The following RBFOX1 variants were observed in gnomAD, a reference collection of about 807,000 sequenced individuals.
RBFOX1 encodes the protein RNA binding protein fox-1 homolog 1.
RBFOX1 carries 8 observed loss-of-function variants against 57.7 expected under a neutral mutation model. The ratio of observed to expected loss-of-function variants is 0.14; its 90% confidence interval spans 0.08 to 0.25. The LOEUF is 0.25. Ranked by LOEUF, RBFOX1 falls within the 10% of genes least tolerant of loss-of-function variation. The pLI, the probability that RBFOX1 is intolerant of heterozygous loss-of-function variation, is 1.00. For synonymous variants in RBFOX1, 326 were observed against 222.4 expected (o/e 1.47, Z -4.15); for missense variants, 611 against 548.5 (o/e 1.11, Z -1.14).
chr16:5,365,419 G>C (rs1295237704), intron 1 of RBFOX1, among the ~76,000 whole-genome samples: 1 of 152,230 alleles, frequency 6.6e-6, no homozygotes, highest in Admixed American at 6.5e-5. Context: ...TGTAATCCCA[G>C]CACTTTGGGA....
chr16:7,302,826 T>C (rs1185130813), intron 4 of RBFOX1, among the ~76,000 whole-genome samples: 1 of 151,630 alleles, frequency 6.6e-6, no homozygotes, highest in African/African-American at 2.4e-5. Flanking sequence ...TCCTATTTTA[T>C]TGCATAAAGA....
intron 3 of RBFOX1, among the ~76,000 whole-genome samples, chr16:5,790,294 T>C (rs578065494): frequency 6.6e-6 from 1 of 152,152 alleles, no homozygotes; most frequent in East Asian, 1.9e-4. Context: ...CCAGGAAGAA[T>C]ACAAGAATGA....
At chr16:6,534,373 G>C (rs994178880) in intron 2 of RBFOX1, among the ~76,000 whole-genome samples, 2 of 152,070 alleles carry the variant, frequency 1.3e-5, no homozygotes, top group Non-Finnish European at 2.9e-5. Flanking sequence ...TGACGAACAG[G>C]AGAAATTGGC....
chr16:7,530,573 C>G (rs1180515943), intron 5 of RBFOX1, among the ~76,000 whole-genome samples: 1 of 151,856 alleles, frequency 6.6e-6, no homozygotes, highest in Non-Finnish European at 1.5e-5. Context: ...ATCAATGGGT[C>G]TGTGTGAATT....
intron 3 of RBFOX1, among the ~76,000 whole-genome samples, chr16:5,696,454 G>A (rs2050844852): frequency 1.3e-5 from 2 of 152,042 alleles, no homozygotes; most frequent in African/African-American, 4.8e-5. Context: ...ACTTATTCAA[G>A]GCTGTAAGAA....
At chr16:6,359,828 T>TA (rs955761196) in intron 2 of RBFOX1, among the ~76,000 whole-genome samples, 1 of 151,996 alleles carries the variant, frequency 6.6e-6, no homozygotes, top group Admixed American at 6.6e-5. Flanking sequence ...TTGGTGATAT[T>TA]AAAAAAAATG....
At chr16:6,422,640 A>G (rs1235448773) in intron 2 of RBFOX1, among the ~76,000 whole-genome samples, 4 of 152,180 alleles carry the variant, frequency 2.6e-5, no homozygotes, top group African/African-American at 4.8e-5. Context: ...GGTGACTCAC[A>G]TGGCAGGAGC....
At chr16:7,476,482 A>T (rs961244217) in intron 4 of RBFOX1, among the ~76,000 whole-genome samples, 13 of 152,202 alleles carry the variant, frequency 8.5e-5, no homozygotes, top group African/African-American at 3.1e-4. Flanking sequence ...AAACATCCCA[A>T]TTATTAGATG....
intron 4 of RBFOX1, among the ~76,000 whole-genome samples, chr16:7,516,720 A>T (rs1260853202): frequency 1.3e-5 from 2 of 152,244 alleles, no homozygotes; most frequent in African/African-American, 4.8e-5. Context: ...ATTTACTTGT[A>T]AAATGTTTAA....
chr16:6,983,431 G>C (rs1374045879), intron 3 of RBFOX1, among the ~76,000 whole-genome samples: 1 of 150,540 alleles, frequency 6.6e-6, no homozygotes, highest in Non-Finnish European at 1.5e-5. Context: ...GCTGCTTCTG[G>C]TCCGCCGACT....
At chr16:6,623,085 G>A (rs191088262) in intron 2 of RBFOX1, among the ~76,000 whole-genome samples, 3 of 152,334 alleles carry the variant, frequency 2.0e-5, no homozygotes, top group Admixed American at 1.3e-4. Flanking sequence ...ATTACCTGCT[G>A]TGTCCCTTGA....
Position 7,630,670 on chromosome 16 carries a change from A to G in RBFOX1, c.744A>G (p.Val248=). ...SSMYSAPSSL[V]YTSAMPGFPY... ...TGTACAGTGCCCCCAGTTCACTTGT[A>G]TATACTTCTGCAAGTAAGCCCACTG... Residue 248 remains valine (V), a synonymous_variant, in exon 11 of 16, where the codon GTA becomes GTG. Transcript: ENST00000550418. 6.2e-7 allele frequency: 1 copy of G among 1,614,010 alleles called. No homozygotes were observed. The highest frequency in any genetic ancestry group is 8.5e-7 in the Non-Finnish European group (1 of 1,180,010).
intron 3 of RBFOX1, among the ~76,000 whole-genome samples, chr16:5,790,662 A>C (rs1021948213): frequency 6.6e-6 from 1 of 152,096 alleles, no homozygotes; most frequent in African/African-American, 2.4e-5. Flanking sequence ...TCCCTCCTGG[A>C]TGAAGACAAC....
At chr16:6,615,874 TCGCGAATCCTCA>T (rs2098134009) in intron 2 of RBFOX1, among the ~76,000 whole-genome samples, 1 of 152,182 alleles carries the variant, frequency 6.6e-6, no homozygotes, top group Non-Finnish European at 1.5e-5. Flanking sequence ...GTTTCCTTGC[TCGCGAATCCTCA>T]TGTGATACGC....
At chr16:5,657,732 CT>C (rs71386513) in intron 3 of RBFOX1, among the ~76,000 whole-genome samples, 1 of 98,352 alleles carries the variant, frequency 1.0e-5, no homozygotes, top group East Asian at 4.3e-4. Flanking sequence ...TGTTTCTTTT[CT>C]TTTCTTTTTT....
chr16:6,836,112 C>G lies in RBFOX1; in HGVS notation c.-16+181462C>G, dbSNP rs555353219. ...GCTATAGAAATGGGAGACAATCATG[C>G]ATTCCTTTTCTACAATTTATGGTAT... On this transcript the variant is annotated intron_variant, in intron 3 of 15. Coordinates refer to ENST00000550418, the MANE Select transcript of RBFOX1 (RefSeq NM_018723.4). Among the ~76,000 whole-genome samples, 5 of 152,332 alleles carry G rather than the reference C, an allele frequency of 3.3e-5. 1 individual carries two copies. In the South Asian group the frequency reaches 1.0e-3, roughly 32 times the overall value.
At chr16:6,381,179 G>T (rs1412557057) in intron 2 of RBFOX1, among the ~76,000 whole-genome samples, 1 of 152,080 alleles carries the variant, frequency 6.6e-6, no homozygotes, top group Non-Finnish European at 1.5e-5. Flanking sequence ...CATTTTTGTT[G>T]CATTTTATTT....
intron 4 of RBFOX1, among the ~76,000 whole-genome samples, chr16:7,192,119 A>G (rs942805758): frequency 6.6e-6 from 1 of 152,150 alleles, no homozygotes; most frequent in Non-Finnish European, 1.5e-5. Flanking sequence ...AAAAGAAGCA[A>G]AAAATAATTG....
chr16:7,650,968 G>C (rs546653707), intron 11 of RBFOX1, among the ~76,000 whole-genome samples: 1 of 152,208 alleles, frequency 6.6e-6, no homozygotes, highest in African/African-American at 2.4e-5. Flanking sequence ...ACGTCTCTGC[G>C]GTTTCAAGCA....
Sources: gnomAD v4.1 joint callset for allele counts (sites outside exome capture counted in the v4.1 genomes callset) on GRCh38, gnomAD v4.1.1 for gene constraint, MANE v1.5 for transcripts, NCBI Gene and HGNC (gene_info 2026-07-23, HGNC 2026-07-21) for gene names.